SPDYE14: variants seen among roughly 807,000 people sequenced by gnomAD.
SPDYE14 encodes the protein speedy/RINGO cell cycle regulator family member E14.
At chr7:75,238,997 AT>A in the SPDYE14 span, among the ~76,000 whole-genome samples, 1 of 112 alleles carries the variant, frequency 8.9e-3, no homozygotes, top group African/African-American at 0.014. Flanking sequence ...TGCCTGGCTA[AT>A]TTTTTTTTTT....
the SPDYE14 span, among the ~76,000 whole-genome samples, chr7:75,267,728 T>TTTTATTTATTTATTTATTTA: frequency 0.063 from 6,960 of 110,250 alleles, 230 homozygotes; most frequent in Non-Finnish European, 0.076. Context: ...GTCTGCATGA[T>TTTTATTTATTTATTTATTTA]TTTATTTATT....
the SPDYE14 span, among the ~76,000 whole-genome samples, chr7:75,274,958 C>A: frequency 6.4e-5 from 4 of 62,268 alleles, 2 homozygotes; most frequent in African/African-American, 1.5e-4. Flanking sequence ...AGACAGAAGA[C>A]CCCGTCCGGG....
At chr7:75,272,546 T>C in the SPDYE14 span, among the ~76,000 whole-genome samples, 11 of 38,264 alleles carry the variant, frequency 2.9e-4, 4 homozygotes, top group Non-Finnish European at 7.3e-4. Flanking sequence ...CCCTGTATCC[T>C]CACATGATGG....
the SPDYE14 span, among the ~76,000 whole-genome samples, chr7:75,249,646 C>G: frequency 1.5e-5 from 1 of 64,938 alleles, no homozygotes; most frequent in African/African-American, 5.8e-5. Flanking sequence ...TCCTCCCTCC[C>G]TCCCTCCCTC....
the SPDYE14 span, among the ~76,000 whole-genome samples, chr7:75,273,554 A>G: frequency 3.5e-5 from 2 of 56,728 alleles, 1 homozygote; most frequent in Non-Finnish European, 9.1e-5. Flanking sequence ...AAAACAAAAC[A>G]AAACACCCCT....
the SPDYE14 span, among the ~76,000 whole-genome samples, chr7:75,240,719 G>A: frequency 3.8e-5 from 2 of 53,230 alleles, 1 homozygote; most frequent in Non-Finnish European, 8.3e-5. Flanking sequence ...GCCTAAGGTA[G>A]CATTTTTCAA....
the SPDYE14 span, among the ~76,000 whole-genome samples, chr7:75,265,372 G>A: frequency 8.4e-5 from 4 of 47,628 alleles, no homozygotes; most frequent in Admixed American, 3.1e-4. Context: ...GCCTCCCAAA[G>A]TGCTGGGATT....
chr7:75,245,418 A>AT, the SPDYE14 span, among the ~76,000 whole-genome samples: 12 of 123,250 alleles, frequency 9.7e-5, no homozygotes, highest in African/African-American at 3.8e-4. Context: ...GAGTGAGACT[A>AT]TGTCTCAAAG....
chr7:75,275,154 G>A, the SPDYE14 span, among the ~76,000 whole-genome samples: 1 of 61,328 alleles, frequency 1.6e-5, no homozygotes, highest in African/African-American at 3.9e-5. Flanking sequence ...GGAGGTGAGG[G>A]GCGCCTCTGC....
chr7:75,297,587 G>GT, the SPDYE14 span: 114 of 57,000 alleles, frequency 2.0e-3, no homozygotes, highest in Non-Finnish European at 2.7e-3. Flanking sequence ...TTAAAAAACT[G>GT]TTTTTGTGTT....
chr7:75,278,102 T>G, the SPDYE14 span, among the ~76,000 whole-genome samples: 50 of 58,008 alleles, frequency 8.6e-4, 13 homozygotes, highest in African/African-American at 1.9e-3. Flanking sequence ...AGTGGAGAAC[T>G]GGTCTCCCTC....
chr7:75,273,665 C>T, the SPDYE14 span, among the ~76,000 whole-genome samples: 2 of 60,516 alleles, frequency 3.3e-5, 1 homozygote, highest in Non-Finnish European at 8.6e-5. Context: ...TGACTCTTCT[C>T]GAAAGGCTGC....
chr7:75,272,801 A>C, the SPDYE14 span, among the ~76,000 whole-genome samples: 5 of 54,508 alleles, frequency 9.2e-5, 1 homozygote, highest in African/African-American at 2.2e-4. Context: ...CAGGAGAATC[A>C]TTTGAACCTG....
chr7:75,247,588 CT>C, the SPDYE14 span, among the ~76,000 whole-genome samples: 1,971 of 15,258 alleles, frequency 0.13, 203 homozygotes, highest in East Asian at 0.64. Context: ...ATTAATTCTT[CT>C]TTTTTTTTTT....
the SPDYE14 span, among the ~76,000 whole-genome samples, chr7:75,279,731 G>C: frequency 7.2e-5 from 4 of 55,710 alleles, 1 homozygote; most frequent in African/African-American, 1.8e-4. Context: ...CATGAGCCAT[G>C]GCACCTGGCC....
chr7:75,279,522 G>A, the SPDYE14 span, among the ~76,000 whole-genome samples: 1 of 57,886 alleles, frequency 1.7e-5, no homozygotes, highest in Non-Finnish European at 3.6e-5. Context: ...TATGATCTTG[G>A]CTCACTGCAA....
chr7:75,241,695 A>ATTTTTTT, the SPDYE14 span, among the ~76,000 whole-genome samples: 2 of 15,488 alleles, frequency 1.3e-4, no homozygotes, highest in Non-Finnish European at 2.8e-4. Context: ...ATATATATAT[A>ATTTTTTT]TTTTTTTTTT....
At chr7:75,274,997 C>T in the SPDYE14 span, among the ~76,000 whole-genome samples, 2 of 62,034 alleles carry the variant, frequency 3.2e-5, 1 homozygote, top group Non-Finnish European at 8.5e-5. Flanking sequence ...CCCGGCCGCC[C>T]CTACTGGGAA....
chr7:75,274,990 G>A, the SPDYE14 span, among the ~76,000 whole-genome samples: 2 of 61,870 alleles, frequency 3.2e-5, no homozygotes, highest in African/African-American at 7.7e-5. Flanking sequence ...GCCTCTGCCC[G>A]GCCGCCCCTA....
Sources: gnomAD v4.1 joint callset for allele counts (sites outside exome capture counted in the v4.1 genomes callset) on GRCh38, gnomAD v4.1.1 for gene constraint, MANE v1.5 for transcripts, NCBI Gene and HGNC (gene_info 2026-07-23, HGNC 2026-07-21) for gene names.